The following ANKRD31 variants were observed in gnomAD, a reference collection of about 807,000 sequenced individuals.
The protein encoded by ANKRD31 is ankyrin repeat domain-containing protein 31.
Under a neutral mutation model 186.0 loss-of-function variants are expected in ANKRD31, and 147 were observed. The ratio of observed to expected loss-of-function variants is 0.79; its 90% CI spans 0.69 to 0.91. The LOEUF is 0.91. ANKRD31 is among the 40% of genes least tolerant of loss of function. The pLI is 0.00. For synonymous variants in ANKRD31, 673 were observed against 736.4 expected (o/e 0.91, Z 1.39); for missense variants, 1,986 against 2,148.8 (o/e 0.92, Z 1.50).
At chr5:75,128,343 C>T (rs780081641) in intron 17 of ANKRD31, among the ~76,000 whole-genome samples, 11 of 71,298 alleles carry the variant, frequency 1.5e-4, no homozygotes, top group Non-Finnish European at 2.6e-4. Context: ...ACCACCATGG[C>T]ACATGTATAC....
chr5:75,145,765 T>C (rs760321921), intron 14 of ANKRD31, among the ~76,000 whole-genome samples: 1 of 151,996 alleles, frequency 6.6e-6, no homozygotes, highest in Non-Finnish European at 1.5e-5. Context: ...TTTATTACCA[T>C]CAGTCAATAT....
intron 7 of ANKRD31, among the ~76,000 whole-genome samples, chr5:75,194,962 T>G (rs559498127): frequency 3.9e-5 from 6 of 152,222 alleles, no homozygotes; most frequent in African/African-American, 1.4e-4. Context: ...GGATGCATTA[T>G]TATTATAATC....
chr5:75,137,844 T>A lies in ANKRD31; in HGVS notation c.3876+12A>T. On this transcript the variant is annotated intron_variant, in intron 17 of 25. Transcript: ENST00000506364. ...AAAAAGTAGTAAGATCTTAATGTGA[T>A]GTGCACTGTACCTTTAAATGATTGT... 6.7e-7 allele frequency: 1 copy of A among 1,492,652 alleles called. No homozygotes were observed. The highest frequency in any genetic ancestry group is 8.9e-7 in the Non-Finnish European group (1 of 1,128,626). 92.5% of individuals were successfully genotyped at this position (1,492,652 alleles called of 1,614,324 possible). A position where few individuals can be genotyped will look rare whatever the true frequency, so the allele number is the denominator to read the frequency against.
intron 3 of ANKRD31, among the ~76,000 whole-genome samples, chr5:75,211,233 TAA>T (rs1756624711): frequency 6.6e-6 from 1 of 152,348 alleles, no homozygotes; most frequent in Non-Finnish European, 1.5e-5. Flanking sequence ...AAACATCATA[TAA>T]GAGATACAAA....
chr5:75,148,707 G>T, intron 12 of ANKRD31, 79 bp from the exon 13 acceptor site: 1 of 1,090,690 alleles, frequency 9.2e-7, no homozygotes, highest in Non-Finnish European at 1.3e-6. Context: ...CCAGTCCTTT[G>T]CCACGAGAAA....
At chr5:75,069,742 C>T (rs1196094422) in intron 25 of ANKRD31, among the ~76,000 whole-genome samples, 1 of 151,928 alleles carries the variant, frequency 6.6e-6, no homozygotes, top group African/African-American at 2.4e-5. Flanking sequence ...GATGGGGTTT[C>T]GCCATGTTGG....
rs10532266 is a variant in ANKRD31 at position 75,175,646 on chromosome 5, A to AACACACAC, written c.1565-6533_1565-6526dup. Among the ~76,000 whole-genome samples the AACACACAC allele has an allele frequency of 2.1e-3, 313 of 147,676 alleles. 2 individuals carry two copies. The highest frequency in any genetic ancestry group is 8.1e-3 in the East Asian group (40 of 4,958). ...ACTATATGAAAATGTTACCTCAGAA[A>AACACACAC]ACACACACACACACACACACACACA... On this transcript the variant is annotated intron_variant, in intron 10 of 25. Transcript: ENST00000506364.
intron 4 of ANKRD31, among the ~76,000 whole-genome samples, chr5:75,210,474 G>A (rs865856225): frequency 6.6e-6 from 1 of 152,040 alleles, no homozygotes; most frequent in East Asian, 1.9e-4. Context: ...ATGCCTGGCC[G>A]AGTTTCTTAA....
chr5:75,069,570 G>C (rs1490388081), intron 25 of ANKRD31, among the ~76,000 whole-genome samples: 1 of 151,758 alleles, frequency 6.6e-6, no homozygotes, highest in Non-Finnish European at 1.5e-5. Flanking sequence ...TTTTGAGATG[G>C]AGTCTCACTC....
chr5:75,126,113 T>C (rs1159407677), intron 17 of ANKRD31, among the ~76,000 whole-genome samples: 2 of 152,208 alleles, frequency 1.3e-5, no homozygotes, highest in Non-Finnish European at 2.9e-5. Flanking sequence ...GTGTCTGGTC[T>C]CTTTGACTTA....
intron 10 of ANKRD31, among the ~76,000 whole-genome samples, chr5:75,172,458 T>C (rs1753408170): frequency 6.6e-6 from 1 of 151,538 alleles, no homozygotes; most frequent in Non-Finnish European, 1.5e-5. Context: ...AGCTGGTTTT[T>C]TGAAAAGATC....
intron 10 of ANKRD31, among the ~76,000 whole-genome samples, chr5:75,177,592 G>A (rs1328099367): frequency 6.6e-6 from 1 of 152,142 alleles, no homozygotes; most frequent in Non-Finnish European, 1.5e-5. Flanking sequence ...CATTCTTAAA[G>A]AAAAGAATTT....
Position 75,188,664 on chromosome 5 carries a change from G to A in ANKRD31, c.1409-16C>T, listed in dbSNP as rs1199491158. On this transcript the variant is annotated splice_polypyrimidine_tract_variant and intron_variant, in intron 9 of 25. Transcript: ENST00000506364. Reference sequence around the variant, plus strand: ...TTCATTTTTTCTGAAATGAGGGAATGAACAAAAGAAAAAAATCATTATTTG... The same window carrying A: ...TTCATTTTTTCTGAAATGAGGGAATAAACAAAAGAAAAAAATCATTATTTG... 6.6e-7 allele frequency: 1 copy of A among 1,506,184 alleles called. No individual in the cohort carries two copies. Among genetic ancestry groups the A allele is most frequent in the Admixed American group, 2.2e-5 (1 of 45,246 alleles). The allele number at this position is 1,506,184 out of a possible 1,614,324, so 93.3% of individuals were successfully genotyped here.
chr5:75,199,082 CCTACAGTCCTAG>C (rs1209780975), intron 6 of ANKRD31, among the ~76,000 whole-genome samples: 3 of 152,090 alleles, frequency 2.0e-5, no homozygotes, highest in Non-Finnish European at 4.4e-5. Flanking sequence ...GCAGTATGGG[CCTACAGTCCTAG>C]CTACTGGGGA....
At chr5:75,193,204 C>A in intron 8 of ANKRD31, 107 bp downstream of exon 8, 1 of 1,243,796 alleles carries the variant, frequency 8.0e-7, no homozygotes. Context: ...AAAAATAAAG[C>A]TCTTTCCCCT....
chr5:75,084,987 G>A (rs1306205495), intron 23 of ANKRD31, among the ~76,000 whole-genome samples: 1 of 152,110 alleles, frequency 6.6e-6, no homozygotes, highest in Non-Finnish European at 1.5e-5. Flanking sequence ...GGTAAATTCT[G>A]CCAGAAATGT....
At chr5:75,069,067 C>T (rs1743997222) in intron 25 of ANKRD31, among the ~76,000 whole-genome samples, 1 of 152,150 alleles carries the variant, frequency 6.6e-6, no homozygotes, top group Non-Finnish European at 1.5e-5. Context: ...TTATTTAGTA[C>T]TAAAAAGAGT....
At chr5:75,220,509 G>A (rs901355238) in intron 3 of ANKRD31, among the ~76,000 whole-genome samples, 2 of 152,004 alleles carry the variant, frequency 1.3e-5, no homozygotes, top group African/African-American at 4.8e-5. Context: ...GAGCATGATG[G>A]TGCATGCCTG....
intron 24 of ANKRD31, among the ~76,000 whole-genome samples, chr5:75,081,263 A>C (rs1745056154): frequency 6.6e-6 from 1 of 152,176 alleles, no homozygotes; most frequent in South Asian, 2.1e-4. Context: ...TTAACATTAA[A>C]ATTTCCTTTT....
Sources: gnomAD v4.1 joint callset for allele counts (sites outside exome capture counted in the v4.1 genomes callset) on GRCh38, gnomAD v4.1.1 for gene constraint, MANE v1.5 for transcripts, NCBI Gene and HGNC (gene_info 2026-07-23, HGNC 2026-07-21) for gene names.